The following TRHDE variants were observed in gnomAD, a reference collection of about 807,000 sequenced individuals.
TRHDE encodes thyrotropin-releasing hormone-degrading ectoenzyme.
TRHDE carries 72 observed loss-of-function variants against 125.7 expected under a neutral mutation model. The ratio of observed to expected loss-of-function variants is 0.57; its 90% confidence interval spans 0.47 to 0.70. TRHDE has a LOEUF of 0.70. Ranked by LOEUF, TRHDE falls within the 30% of genes least tolerant of loss-of-function variation. TRHDE has a pLI of 0.00. For synonymous variants in TRHDE, 509 were observed against 509.1 expected, an observed-to-expected ratio of 1.00 and a Z score of 0.00; for missense variants, 1,110 against 1,327.1, an observed-to-expected ratio of 0.84 and a Z score of 2.54.
chr12:72,476,859 G>A (rs1876919310), intron 5 of TRHDE, among the ~76,000 whole-genome samples: 1 of 152,134 alleles, frequency 6.6e-6, no homozygotes. Context: ...TTGTATGTAT[G>A]TGTGTTTTCA....
chr12:72,440,939 AAGTT>A (rs1315685667), intron 3 of TRHDE, among the ~76,000 whole-genome samples: 1 of 151,942 alleles, frequency 6.6e-6, no homozygotes, highest in Non-Finnish European at 1.5e-5. Context: ...ATTTATCAAG[AAGTT>A]AGTAACAAAT....
At chr12:72,198,541 T>C (rs1877490095) in intron 2 of TRHDE, among the ~76,000 whole-genome samples, 1 of 152,144 alleles carries the variant, frequency 6.6e-6, no homozygotes, top group African/African-American at 2.4e-5. Flanking sequence ...TTTTAACTCA[T>C]GGTTCAATGG....
At chr12:72,116,340 T>C (rs1272095100) in intron 2 of TRHDE, among the ~76,000 whole-genome samples, 1 of 152,220 alleles carries the variant, frequency 6.6e-6, no homozygotes, top group Non-Finnish European at 1.5e-5. Context: ...TGTGTCTTTA[T>C]AGTAGAATGA....
chr12:72,322,668 G>C (rs1246039068), intron 2 of TRHDE, among the ~76,000 whole-genome samples: 1 of 152,072 alleles, frequency 6.6e-6, no homozygotes, highest in East Asian at 1.9e-4. Flanking sequence ...TAACAGCTGT[G>C]AATAATGGTA....
chr12:72,121,776 G>A (rs1384941717), intron 2 of TRHDE, among the ~76,000 whole-genome samples: 3 of 149,976 alleles, frequency 2.0e-5, no homozygotes, highest in African/African-American at 7.4e-5. Context: ...TGTTCCCATG[G>A]GGAGAACAAT....
In TRHDE at chr12:72,302,924, A is replaced by G. The variant is rs538564441; in HGVS notation, c.1188+15970A>G. 6.6e-5 allele frequency among the ~76,000 whole-genome samples: 10 copies of G among 152,244 alleles called. 1 individual carries two copies. In the South Asian group the frequency reaches 2.1e-3, roughly 32 times the overall value. ...TTTAGCAGCGTTCCTGGCCTCAGCTAACTAGGTGCCAGTAGCACATCCGAT... is the reference window on the plus strand; with the variant it reads ...TTTAGCAGCGTTCCTGGCCTCAGCTGACTAGGTGCCAGTAGCACATCCGAT... On this transcript the variant is annotated intron_variant, in intron 2 of 18. Coordinates refer to ENST00000261180, the MANE Select transcript of TRHDE (RefSeq NM_013381.3).
chr12:72,418,488 CTG>C (rs1187742011), intron 3 of TRHDE, among the ~76,000 whole-genome samples: 17 of 152,188 alleles, frequency 1.1e-4, no homozygotes, highest in African/African-American at 3.6e-4. Context: ...TGTCCTCCAG[CTG>C]TGTTACAAAA....
intron 3 of TRHDE, among the ~76,000 whole-genome samples, chr12:72,451,270 T>C (rs948829267): frequency 1.3e-5 from 2 of 152,194 alleles, no homozygotes; most frequent in African/African-American, 2.4e-5. Flanking sequence ...CTTATGTTTA[T>C]ATCTTTAACC....
At chr12:72,455,250 C>T (rs1875785761) in intron 3 of TRHDE, among the ~76,000 whole-genome samples, 1 of 151,994 alleles carries the variant, frequency 6.6e-6, no homozygotes, top group Admixed American at 6.6e-5. Flanking sequence ...AAAACTTTCT[C>T]CGGTACTCTT....
At chr12:72,312,850 C>T (rs911666616) in intron 2 of TRHDE, among the ~76,000 whole-genome samples, 2 of 152,082 alleles carry the variant, frequency 1.3e-5, no homozygotes, top group Non-Finnish European at 2.9e-5. Flanking sequence ...TATTTTTCCC[C>T]TTCCTCCCTC....
At chr12:72,135,133 G>A (rs1477634817) in intron 2 of TRHDE, among the ~76,000 whole-genome samples, 1 of 152,182 alleles carries the variant, frequency 6.6e-6, no homozygotes, top group African/African-American at 2.4e-5. Flanking sequence ...TAAGCCCAGG[G>A]CTTGTGGGGT....
At chr12:72,565,846 T>C (rs899845946) in intron 9 of TRHDE, among the ~76,000 whole-genome samples, 1 of 152,072 alleles carries the variant, frequency 6.6e-6, no homozygotes, top group Admixed American at 6.5e-5. Flanking sequence ...CCAGGAACTG[T>C]TAAAGAAAAA....
chr12:72,565,255 G>A (rs1870386894), intron 9 of TRHDE, among the ~76,000 whole-genome samples: 1 of 152,106 alleles, frequency 6.6e-6, no homozygotes, highest in Non-Finnish European at 1.5e-5. Context: ...GAAATCCTGT[G>A]AAATCTGTAT....
intron 2 of TRHDE, among the ~76,000 whole-genome samples, chr12:72,196,696 CATT>C (rs1877450014): frequency 6.6e-6 from 1 of 152,162 alleles, no homozygotes; most frequent in Non-Finnish European, 1.5e-5. Context: ...TGAATAAACT[CATT>C]ATTATTTCAT....
rs541858872 is a variant in TRHDE, at chr12:72,644,370, G to A, written c.2676-7952G>A. Reference sequence around the variant, plus strand: ...GACTGGCTTCTGTCTTGCCTGCCTTGGAACTCTAAAAAGTCTAGCACAATC... The same window carrying A: ...GACTGGCTTCTGTCTTGCCTGCCTTAGAACTCTAAAAAGTCTAGCACAATC... On this transcript the variant is annotated intron_variant, in intron 15 of 18. Transcript: ENST00000261180. Among the ~76,000 whole-genome samples the A allele has an allele frequency of 5.3e-5, 8 of 152,222 alleles. No individual in the cohort carries two copies. The South Asian group carries it at 1.4e-3, about 28-fold the overall frequency.
intron 2 of TRHDE, among the ~76,000 whole-genome samples, chr12:72,192,637 C>G (rs960942268): frequency 1.3e-5 from 2 of 152,018 alleles, no homozygotes; most frequent in Admixed American, 6.6e-5. Flanking sequence ...GGATTTGAAG[C>G]CTGGATCTAA....
intron 5 of TRHDE, among the ~76,000 whole-genome samples, chr12:72,490,475 ACCC>A (rs1002360826): frequency 6.6e-6 from 1 of 151,764 alleles, no homozygotes; most frequent in Non-Finnish European, 1.5e-5. Flanking sequence ...CTGCATACAT[ACCC>A]AAAGGAAATG....
At chr12:72,293,121 T>A (rs909399491) in intron 2 of TRHDE, among the ~76,000 whole-genome samples, 1 of 152,202 alleles carries the variant, frequency 6.6e-6, no homozygotes, top group Admixed American at 6.5e-5. Context: ...ATCTGGGGCA[T>A]CTACCAATGG....
chr12:72,307,143 A>G (rs1868353457), intron 2 of TRHDE, among the ~76,000 whole-genome samples: 1 of 151,850 alleles, frequency 6.6e-6, no homozygotes, highest in African/African-American at 2.4e-5. Context: ...CAAGCAGAGG[A>G]GTGATCTGTC....
Sources: allele counts gnomAD v4.1 joint callset (sites outside exome capture counted in the v4.1 genomes callset), GRCh38; gene constraint gnomAD v4.1.1; transcripts MANE v1.5; gene names NCBI Gene and HGNC (gene_info 2026-07-23, HGNC 2026-07-21).